The following NLGN1 variants were observed in gnomAD, a reference collection of about 807,000 sequenced individuals.
The protein encoded by NLGN1 is neuroligin-1.
NLGN1 carries 12 observed loss-of-function variants against 65.5 expected under a neutral mutation model. The observed-to-expected ratio is 0.18, with a 90% CI of 0.12 to 0.30. The LOEUF (loss-of-function observed/expected upper bound fraction) is 0.30, where lower values mean the gene tolerates loss of function less well. NLGN1 is among the 10% of genes least tolerant of loss of function. NLGN1 has a pLI of 1.00. For synonymous variants in NLGN1, 350 were observed against 359.5 expected (o/e 0.97, Z 0.30); for missense variants, 750 against 1,007.1 (o/e 0.74, Z 3.46).
At chr3:173,435,882 A>G (rs1020887123) in intron 2 of NLGN1, among the ~76,000 whole-genome samples, 14 of 152,274 alleles carry the variant, frequency 9.2e-5, no homozygotes, top group Admixed American at 6.5e-4. Flanking sequence ...TATACGATGC[A>G]TTTAGTCAAC....
intron 4 of NLGN1, among the ~76,000 whole-genome samples, chr3:174,045,778 A>T (rs989992899): frequency 6.6e-6 from 1 of 152,190 alleles, no homozygotes; most frequent in Non-Finnish European, 1.5e-5. Context: ...TACTGACAGT[A>T]TTTGAATAAA....
intron 4 of NLGN1, among the ~76,000 whole-genome samples, chr3:173,948,277 A>C (rs1747557972): frequency 6.6e-6 from 1 of 152,250 alleles, no homozygotes; most frequent in African/African-American, 2.4e-5. Context: ...AAATGAAATA[A>C]GAAATGTCAA....
chr3:173,672,203 TAAAG>T (rs986674605), intron 3 of NLGN1, among the ~76,000 whole-genome samples: 5 of 152,012 alleles, frequency 3.3e-5, no homozygotes, highest in Non-Finnish European at 7.4e-5. Context: ...TAAAATAAAA[TAAAG>T]AAAGGAATAG....
intron 4 of NLGN1, among the ~76,000 whole-genome samples, chr3:173,918,056 A>T (rs184109474): frequency 2.0e-3 from 306 of 152,300 alleles, no homozygotes; most frequent in African/African-American, 7.2e-3. Flanking sequence ...AAATAAGATA[A>T]TGTATGTAAG....
At chr3:173,545,759 C>T (rs1274575835) in intron 2 of NLGN1, among the ~76,000 whole-genome samples, 1 of 152,088 alleles carries the variant, frequency 6.6e-6, no homozygotes, top group East Asian at 1.9e-4. Context: ...GAATACTATG[C>T]AACCATAAAA....
At chr3:173,567,619 TAATAA>T (rs1743907695) in intron 2 of NLGN1, among the ~76,000 whole-genome samples, 2 of 151,474 alleles carry the variant, frequency 1.3e-5, no homozygotes, top group African/African-American at 4.8e-5. Context: ...TTATATAATA[TAATAA>T]AATAATATTT....
intron 2 of NLGN1, among the ~76,000 whole-genome samples, chr3:173,471,144 T>C (rs1725249978): frequency 6.6e-6 from 1 of 152,168 alleles, no homozygotes; most frequent in Non-Finnish European, 1.5e-5. Flanking sequence ...ACATTGTACT[T>C]TGAAGTACTA....
chr3:174,198,028 T>C (rs1361287214), intron 4 of NLGN1, among the ~76,000 whole-genome samples: 6 of 152,182 alleles, frequency 3.9e-5, no homozygotes, highest in Non-Finnish European at 8.8e-5. Flanking sequence ...CCTGTACTTT[T>C]GTGTTGTACA....
intron 3 of NLGN1, among the ~76,000 whole-genome samples, chr3:173,671,282 G>A (rs1039548259): frequency 5.3e-5 from 8 of 152,106 alleles, no homozygotes; most frequent in African/African-American, 1.4e-4. Context: ...CATGGATTGC[G>A]TGAGCCCAGG....
intron 3 of NLGN1, among the ~76,000 whole-genome samples, chr3:173,781,903 C>T (rs539618204): frequency 1.3e-4 from 20 of 152,098 alleles, no homozygotes; most frequent in Non-Finnish European, 1.8e-4. Flanking sequence ...GCCTCAGTCA[C>T]GGAAAACCTT....
chr3:173,884,499 T>C (rs1453556063), intron 4 of NLGN1, among the ~76,000 whole-genome samples: 2 of 152,138 alleles, frequency 1.3e-5, no homozygotes, highest in East Asian at 3.9e-4. Flanking sequence ...TGTCTGGTAA[T>C]ACAGTGTTGA....
chr3:174,044,110 G>A lies in NLGN1; in HGVS notation c.647-231205G>A, dbSNP rs75221345. 3.7e-3 allele frequency among the ~76,000 whole-genome samples: 567 copies of A among 152,254 alleles called. 3 individuals are homozygous for A. Among genetic ancestry groups the A allele is most frequent in the African/African-American group, 0.012 (506 of 41,538 alleles). On this transcript the variant is annotated intron_variant, in intron 4 of 6. Coordinates refer to ENST00000457714, the Ensembl canonical transcript of NLGN1. ...TTGGTCCCCTTTAGCTATGGCTGAA[G>A]CAGCTGGGATGCAGGGCATCAAGTC...
intron 4 of NLGN1, among the ~76,000 whole-genome samples, chr3:173,943,696 A>G (rs1264279605): frequency 6.6e-6 from 1 of 152,070 alleles, no homozygotes; most frequent in Non-Finnish European, 1.5e-5. Context: ...TTTACAGGCA[A>G]ATTTTCTTCC....
chr3:173,709,399 A>C, intron 3 of NLGN1, among the ~76,000 whole-genome samples: 1 of 152,236 alleles, frequency 6.6e-6, no homozygotes, highest in Admixed American at 6.5e-5. Context: ...AAAAACAGTC[A>C]AAACGATCCT....
At chr3:173,928,004 C>T (rs538006714) in intron 4 of NLGN1, among the ~76,000 whole-genome samples, 1 of 152,266 alleles carries the variant, frequency 6.6e-6, no homozygotes, top group South Asian at 2.1e-4. Context: ...AATTCCCTAA[C>T]ATTCAGGGTT....
At chr3:174,180,909 GGAA>G (rs1229838734) in intron 4 of NLGN1, 2 of 138,740 alleles carry the variant, frequency 1.4e-5, no homozygotes, top group Admixed American at 7.1e-5. Flanking sequence ...CTTCTTTGGG[GGAA>G]AAAAAAGAGG....
At chr3:174,253,200 T>A (rs1745081847) in intron 4 of NLGN1, among the ~76,000 whole-genome samples, 1 of 150,630 alleles carries the variant, frequency 6.6e-6, no homozygotes, top group Non-Finnish European at 1.5e-5. Context: ...GAAAAAAAAA[T>A]GAATTCTGTA....
At chr3:173,649,904 T>C (rs960579691) in intron 3 of NLGN1, among the ~76,000 whole-genome samples, 2 of 152,136 alleles carry the variant, frequency 1.3e-5, no homozygotes, top group African/African-American at 4.8e-5. Context: ...TAAAACTATA[T>C]GAAAATGTAT....
chr3:173,587,128 G>C (rs981810701), intron 2 of NLGN1, among the ~76,000 whole-genome samples: 7 of 152,164 alleles, frequency 4.6e-5, no homozygotes, highest in Non-Finnish European at 7.4e-5. Context: ...TAAATCAGTA[G>C]TCATTGCATG....
Sources: allele counts gnomAD v4.1 joint callset (sites outside exome capture counted in the v4.1 genomes callset), GRCh38; gene constraint gnomAD v4.1.1; transcripts MANE v1.5; gene names NCBI Gene and HGNC (gene_info 2026-07-23, HGNC 2026-07-21).